The following HIP1 variants were observed in gnomAD, a reference collection of about 807,000 sequenced individuals.
HIP1 encodes huntingtin-interacting protein 1.
In HIP1, 65 loss-of-function variants were observed where a neutral mutation model predicts 147.6. The ratio of observed to expected loss-of-function variants is 0.44; its 90% CI spans 0.36 to 0.54. The LOEUF is 0.54. HIP1 is among the 20% of genes least tolerant of loss of function. The pLI is 0.00. For synonymous variants in HIP1, 479 were observed against 504.0 expected, an observed-to-expected ratio of 0.95 and a Z score of 0.67; for missense variants, 1,061 against 1,299.6, an observed-to-expected ratio of 0.82 and a Z score of 2.82.
intron 1 of HIP1, among the ~76,000 whole-genome samples, chr7:75,620,761 C>T (rs1797820920): frequency 6.6e-6 from 1 of 151,972 alleles, no homozygotes. Context: ...GATCTCTGTC[C>T]TCACGGAGCT....
At chr7:75,697,080 G>A (rs1299107564) in intron 1 of HIP1, among the ~76,000 whole-genome samples, 4 of 151,904 alleles carry the variant, frequency 2.6e-5, no homozygotes, top group African/African-American at 9.7e-5. Context: ...AGCCTAAGGT[G>A]AGAATCTAAA....
chr7:75,547,801 T>C lies in HIP1; in HGVS notation c.2419A>G (p.Lys807Glu). 6.2e-7 allele frequency: 1 copy of C among 1,613,968 alleles called. No homozygotes were observed. ...ATARIEEMLS[K>E]SRAGDTGVKL... ...ACTCCTGTGTCTCCTGCTCGGGATT[T>C]GCTGAGCATCTCCTGTGAAAAAGAA... Residue 807 changes from lysine (K) to glutamate (E), a missense_variant, in exon 24 of 31, where the codon AAA (lysine) becomes GAA (glutamate). Transcript: ENST00000336926.
chr7:75,579,445 C>G (rs2116914999), intron 7 of HIP1, among the ~76,000 whole-genome samples: 1 of 152,078 alleles, frequency 6.6e-6, no homozygotes, highest in African/African-American at 2.4e-5. Flanking sequence ...GTGCTCACCA[C>G]CACACCTGGC....
At chr7:75,679,176 A>G (rs2260429) in intron 1 of HIP1, among the ~76,000 whole-genome samples, 87,066 of 151,752 alleles carry the variant, frequency 0.57, 25,400 homozygotes, top group African/African-American at 0.66. Context: ...CACAGATTCC[A>G]CTTTTGCTAG....
At chr7:75,658,179 C>T (rs187762353) in intron 1 of HIP1, among the ~76,000 whole-genome samples, 5 of 152,254 alleles carry the variant, frequency 3.3e-5, no homozygotes, top group Non-Finnish European at 5.9e-5. Flanking sequence ...CTGCAGCCTT[C>T]ACCTCCCGAC....
At chr7:75,734,135 AC>A (rs1237928412) in intron 1 of HIP1, among the ~76,000 whole-genome samples, 2 of 151,852 alleles carry the variant, frequency 1.3e-5, no homozygotes, top group African/African-American at 4.8e-5. Flanking sequence ...AATCCCAGCT[AC>A]TCGAGAGGCC....
At chr7:75,688,155 C>T (rs1554517761) in intron 1 of HIP1, among the ~76,000 whole-genome samples, 1 of 152,186 alleles carries the variant, frequency 6.6e-6, no homozygotes, top group African/African-American at 2.4e-5. Flanking sequence ...TGTGGTTCTT[C>T]CCTCATCCTG....
rs1421776207 is a variant in HIP1, at chr7:75,563,409, A to G, written c.804-146T>C. On this transcript the variant is annotated intron_variant, in intron 9 of 30. Transcript: ENST00000336926. ...ATAAACTCCATGGTGCTGGGATTCA[A>G]TTATGATGCTGCAGAGGATTATTTA... 3 of 647,452 alleles carry G rather than the reference A, an allele frequency of 4.6e-6. No individual in the cohort carries two copies. The African/African-American group carries it at 5.4e-5, about 12-fold the overall frequency. The allele number at this position is 647,452 out of a possible 1,614,324, so 40.1% of individuals were successfully genotyped here.
chr7:75,639,198 A>AGGCGGC (rs530262772), intron 1 of HIP1: 28 of 974,516 alleles, frequency 2.9e-5, no homozygotes, highest in Middle Eastern at 1.1e-3. Flanking sequence ...GGACCGGGGC[A>AGGCGGC]GGCGGCGGCG....
At chr7:75,720,402 C>A (rs1801463870) in intron 1 of HIP1, among the ~76,000 whole-genome samples, 2 of 152,106 alleles carry the variant, frequency 1.3e-5, no homozygotes, top group African/African-American at 4.8e-5. Flanking sequence ...CTCAAGTGAT[C>A]TGCCCGCGTT....
chr7:75,702,849 T>C (rs1396055376), intron 1 of HIP1, among the ~76,000 whole-genome samples: 2 of 150,186 alleles, frequency 1.3e-5, no homozygotes, highest in Non-Finnish European at 3.0e-5. Context: ...AGGAAATTTA[T>C]AGAACAACAA....
In HIP1 at chr7:75,611,657, G is replaced by C. The variant is rs117235358; in HGVS notation, c.121-12410C>G. On this transcript the variant is annotated intron_variant, in intron 1 of 30. Transcript: ENST00000336926. ...CCAAGGGCGGGCAGTGCGGGGCTGG[G>C]TGTCTCACCTCTGGAGGGGGCTCTG... The C allele has an allele frequency of 7.4e-3, 7,510 of 1,021,496 alleles. 41 individuals are homozygous for C. The highest frequency in any genetic ancestry group is 0.019 in the South Asian group (407 of 21,684). The allele number at this position is 1,021,496 out of a possible 1,614,324, so 63.3% of individuals were successfully genotyped here.
At chr7:75,601,893 T>G (rs1796992925) in intron 1 of HIP1, among the ~76,000 whole-genome samples, 1 of 151,930 alleles carries the variant, frequency 6.6e-6, no homozygotes, top group Non-Finnish European at 1.5e-5. Flanking sequence ...CTTGGACTAG[T>G]CTTCATATTT....
At chr7:75,721,001 G>A (rs1584978657) in intron 1 of HIP1, among the ~76,000 whole-genome samples, 2 of 145,852 alleles carry the variant, frequency 1.4e-5, no homozygotes, top group East Asian at 4.1e-4. Context: ...TCGGGCCATT[G>A]CACTCCAGCC....
At chr7:75,623,061 G>C (rs1022231953) in intron 1 of HIP1, among the ~76,000 whole-genome samples, 1 of 151,712 alleles carries the variant, frequency 6.6e-6, no homozygotes, top group African/African-American at 2.4e-5. Context: ...AGCCAGGCGT[G>C]GTGGTGCGTG....
chr7:75,567,171 GTT>G (rs1276477822), intron 9 of HIP1, among the ~76,000 whole-genome samples: 1 of 138,746 alleles, frequency 7.2e-6, no homozygotes, highest in Non-Finnish European at 1.6e-5. Context: ...GTTTTTTTTT[GTT>G]TTTTTTTTTT....
intron 1 of HIP1, among the ~76,000 whole-genome samples, chr7:75,601,845 A>T (rs1398786565): frequency 6.6e-6 from 1 of 151,990 alleles, no homozygotes; most frequent in Non-Finnish European, 1.5e-5. Context: ...ATGTTTGGCC[A>T]CAAGTTCCTT....
At chr7:75,544,930 G>T in intron 26 of HIP1, 130 bp from the exon 27 acceptor site, 1 of 741,174 alleles carries the variant, frequency 1.3e-6, no homozygotes, top group Non-Finnish European at 2.3e-6. Context: ...TGTGTCCCCT[G>T]GGAGAGCCAG....
chr7:75,658,916 C>A (rs1189381802), intron 1 of HIP1, among the ~76,000 whole-genome samples: 2 of 151,926 alleles, frequency 1.3e-5, no homozygotes, highest in East Asian at 3.9e-4. Flanking sequence ...CACATACACA[C>A]AAAAACAAAC....
Sources: allele counts gnomAD v4.1 joint callset (sites outside exome capture counted in the v4.1 genomes callset), GRCh38; gene constraint gnomAD v4.1.1; transcripts MANE v1.5; gene names NCBI Gene and HGNC (gene_info 2026-07-23, HGNC 2026-07-21).